CADPS2: variants seen among roughly 807,000 people sequenced by gnomAD.
CADPS2 encodes calcium dependent secretion activator 2.
Under a neutral mutation model 172.5 loss-of-function variants are expected in CADPS2, and 93 were observed. That is an observed-to-expected ratio of 0.54 (90% CI 0.46 to 0.64). The LOEUF is 0.64. Ranked by LOEUF, CADPS2 falls within the 30% of genes least tolerant of loss-of-function variation. The pLI, the probability that CADPS2 is intolerant of heterozygous loss-of-function variation, is 0.00. For missense variants in CADPS2, 1,420 were observed against 1,565.9 expected (o/e 0.91, Z 1.57); for synonymous variants, 546 against 555.2 (o/e 0.98, Z 0.23).
intron 7 of CADPS2, among the ~76,000 whole-genome samples, chr7:122,572,192 C>T (rs1424447829): frequency 1.3e-5 from 2 of 152,106 alleles, no homozygotes; most frequent in African/African-American, 4.8e-5. Context: ...ATATCATATG[C>T]TGCAAGATGG....
At chr7:122,590,704 TA>T (rs1254372420) in intron 6 of CADPS2, among the ~76,000 whole-genome samples, 2 of 151,904 alleles carry the variant, frequency 1.3e-5, no homozygotes, top group Admixed American at 6.6e-5. Context: ...GATTGATTCA[TA>T]AAAAAATTTA....
intron 9 of CADPS2, among the ~76,000 whole-genome samples, chr7:122,501,887 A>AG (rs2059235347): frequency 6.6e-6 from 1 of 150,822 alleles, no homozygotes; most frequent in East Asian, 1.9e-4. Flanking sequence ...AAAAAAAAAA[A>AG]AAAAAAAAAA....
intron 20 of CADPS2, among the ~76,000 whole-genome samples, chr7:122,394,795 A>G (rs2151509372): frequency 6.6e-6 from 1 of 152,244 alleles, no homozygotes; most frequent in Non-Finnish European, 1.5e-5. Flanking sequence ...GATGCTTATG[A>G]TTATGCAGAG....
At chr7:122,749,742 C>G (rs2092868431) in intron 1 of CADPS2, among the ~76,000 whole-genome samples, 1 of 151,940 alleles carries the variant, frequency 6.6e-6, no homozygotes, top group Non-Finnish European at 1.5e-5. Flanking sequence ...TTCAATACAT[C>G]ATTGTTAACA....
intron 5 of CADPS2, among the ~76,000 whole-genome samples, chr7:122,620,227 C>A (rs990624824): frequency 6.6e-6 from 1 of 152,110 alleles, no homozygotes; most frequent in Non-Finnish European, 1.5e-5. Context: ...GAGCTATAAG[C>A]CTCAATATAA....
At chr7:122,353,999 T>G (rs941697763) in intron 27 of CADPS2, among the ~76,000 whole-genome samples, 1 of 151,344 alleles carries the variant, frequency 6.6e-6, no homozygotes, top group African/African-American at 2.4e-5. Context: ...GTCAGATTTC[T>G]TTTTTTTTCC....
chr7:122,676,619 T>C, intron 2 of CADPS2: 1 of 1,316,222 alleles, frequency 7.6e-7, no homozygotes, highest in South Asian at 1.3e-5. Flanking sequence ...CTGCTTCCCA[T>C]GATGACTGAT....
At chr7:122,376,124 G>C (rs2042313939) in intron 25 of CADPS2, among the ~76,000 whole-genome samples, 1 of 152,092 alleles carries the variant, frequency 6.6e-6, no homozygotes, top group Admixed American at 6.6e-5. Context: ...CCCACTGTTG[G>C]TGGATATGTA....
intron 17 of CADPS2, among the ~76,000 whole-genome samples, chr7:122,433,777 G>A (rs1235813275): frequency 6.6e-6 from 1 of 152,130 alleles, no homozygotes; most frequent in African/African-American, 2.4e-5. Context: ...CTGTACAGTT[G>A]ACCAGTGGTA....
At chr7:122,469,775 A>AT (rs1257853894) in intron 14 of CADPS2, among the ~76,000 whole-genome samples, 1 of 151,868 alleles carries the variant, frequency 6.6e-6, no homozygotes, top group African/African-American at 2.4e-5. Context: ...ATGAGAACTG[A>AT]TTTTTGCCTT....
At chr7:122,764,458 A>T (rs1562961794) in intron 1 of CADPS2, among the ~76,000 whole-genome samples, 1 of 152,170 alleles carries the variant, frequency 6.6e-6, no homozygotes, top group Non-Finnish European at 1.5e-5. Flanking sequence ...TTTCCTAGGC[A>T]TTGAAAATAT....
At chr7:122,655,165 G>T (rs553470474) in intron 3 of CADPS2, among the ~76,000 whole-genome samples, 11 of 152,306 alleles carry the variant, frequency 7.2e-5, no homozygotes, top group African/African-American at 2.6e-4. Context: ...TAGTGAAGAT[G>T]CTGTGAACAC....
At chr7:122,700,074 G>C (rs2085783211) in intron 2 of CADPS2, among the ~76,000 whole-genome samples, 1 of 152,106 alleles carries the variant, frequency 6.6e-6, no homozygotes, top group Non-Finnish European at 1.5e-5. Flanking sequence ...CTAAAGGATG[G>C]CATGTGGACT....
At chr7:122,856,438 CTT>C (rs1306621027) in intron 1 of CADPS2, among the ~76,000 whole-genome samples, 7 of 152,030 alleles carry the variant, frequency 4.6e-5, no homozygotes, top group African/African-American at 1.7e-4. Flanking sequence ...TTCTTCTCTT[CTT>C]GTTCATCTTT....
At chr7:122,707,626 T>G (rs1042202199) in intron 2 of CADPS2, among the ~76,000 whole-genome samples, 1 of 151,886 alleles carries the variant, frequency 6.6e-6, no homozygotes, top group African/African-American at 2.4e-5. Context: ...GCTCAAACAC[T>G]ACAACTATGT....
chr7:122,466,228 T>G (rs577005069), intron 14 of CADPS2, among the ~76,000 whole-genome samples: 1 of 152,338 alleles, frequency 6.6e-6, no homozygotes, highest in Non-Finnish European at 1.5e-5. Context: ...GCAGGCTGTT[T>G]TATTTAATAT....
intron 9 of CADPS2, among the ~76,000 whole-genome samples, chr7:122,504,612 G>A (rs2059474336): frequency 6.6e-6 from 1 of 152,046 alleles, no homozygotes. Flanking sequence ...TGTCACCTAG[G>A]CTGGAGTGCA....
At chr7:122,568,184 A>C (rs1421784019) in intron 7 of CADPS2, among the ~76,000 whole-genome samples, 1 of 152,130 alleles carries the variant, frequency 6.6e-6, no homozygotes, top group Non-Finnish European at 1.5e-5. Context: ...GGACTGCTTG[A>C]GCTCAGGAGT....
rs1415921666 is a variant in CADPS2, at chr7:122,793,354, T to C, written c.340-56286A>G. Among the ~76,000 whole-genome samples the C allele has an allele frequency of 2.0e-5, 3 of 152,230 alleles. No individual in the cohort carries two copies. The East Asian group carries it at 5.8e-4, about 29-fold the overall frequency. ...ATTTAAGATAGTGAGAGCTTCTTGC[T>C]GAATTGAGCCCTGTAACAATTATGT... On this transcript the variant is annotated intron_variant, in intron 1 of 29. Coordinates refer to ENST00000449022, the MANE Select transcript of CADPS2 (RefSeq NM_017954.11).
Sources: gnomAD v4.1 joint callset for allele counts (sites outside exome capture counted in the v4.1 genomes callset) on GRCh38, gnomAD v4.1.1 for gene constraint, MANE v1.5 for transcripts, NCBI Gene and HGNC (gene_info 2026-07-23, HGNC 2026-07-21) for gene names.